The following STOX2 variants were observed in gnomAD, a reference collection of about 807,000 sequenced individuals.
STOX2 encodes the protein storkhead box 2.
STOX2 carries 28 observed loss-of-function variants against 60.9 expected under a neutral mutation model. The ratio of observed to expected loss-of-function variants is 0.46; its 90% confidence interval spans 0.34 to 0.63. STOX2 has a LOEUF of 0.63. STOX2 is among the 30% of genes least tolerant of loss of function. The pLI is 0.01. For missense variants in STOX2, 1,024 were observed against 1,187.7 expected, an observed-to-expected ratio of 0.86 and a Z score of 2.03; for synonymous variants, 472 against 463.9, an observed-to-expected ratio of 1.02 and a Z score of -0.22.
chr4:184,015,503 T>G (rs546978212), intron 3 of STOX2: 7 of 103,848 alleles, frequency 6.7e-5, no homozygotes, highest in East Asian at 2.3e-4. Context: ...TCCGAGGGTT[T>G]GTTTGTTTGT....
chr4:183,935,818 CAG>C (rs1252930238), intron 1 of STOX2, among the ~76,000 whole-genome samples: 1 of 152,160 alleles, frequency 6.6e-6, no homozygotes, highest in East Asian at 1.9e-4. Context: ...TCTTCTCATG[CAG>C]AGATTTCTAG....
At chr4:183,951,467 T>G (rs1205173859) in intron 1 of STOX2, among the ~76,000 whole-genome samples, 39 of 76,522 alleles carry the variant, frequency 5.1e-4, no homozygotes, top group African/African-American at 1.4e-3. Flanking sequence ...TTTTTTTTTT[T>G]GGGACGGAGC....
intron 1 of STOX2, among the ~76,000 whole-genome samples, chr4:183,804,388 G>A (rs1397032883): frequency 6.6e-6 from 1 of 152,198 alleles, no homozygotes; most frequent in African/African-American, 2.4e-5. Context: ...AGGAGCAGGT[G>A]GAAATCAGCT....
intron 1 of STOX2, among the ~76,000 whole-genome samples, chr4:183,838,414 C>G (rs1739767220): frequency 6.6e-6 from 1 of 151,498 alleles, no homozygotes; most frequent in Admixed American, 6.6e-5. Flanking sequence ...ATAAACAATA[C>G]TTTTATGGGT....
chr4:183,881,090 T>A lies in STOX2; in HGVS notation c.364+83035T>A, dbSNP rs533922502. On this transcript the variant is annotated intron_variant, in intron 1 of 2. Transcript: ENST00000513034. ...TGCCTTCAATGAGACTGAAGTAAAT[T>A]GCCTTTTCTGAATTCCCCAAGGGCT... 6.6e-3 allele frequency among the ~76,000 whole-genome samples: 1,003 copies of A among 152,278 alleles called. 10 individuals carry two copies. Among genetic ancestry groups the A allele is most frequent in the African/African-American group, 0.021 (868 of 41,532 alleles).
At chr4:183,833,982 A>C (rs1739639850) in intron 1 of STOX2, among the ~76,000 whole-genome samples, 1 of 48,060 alleles carries the variant, frequency 2.1e-5, no homozygotes, top group Non-Finnish European at 4.7e-5. Flanking sequence ...ACTCCGTCTC[A>C]AAAAAAAAAA....
chr4:183,815,566 C>T (rs894887235), intron 1 of STOX2, among the ~76,000 whole-genome samples: 9 of 152,046 alleles, frequency 5.9e-5, no homozygotes, highest in African/African-American at 2.2e-4. Flanking sequence ...GCCTGTTTAG[C>T]TCTTTGACAA....
intron 1 of STOX2, among the ~76,000 whole-genome samples, chr4:183,855,791 G>A (rs1388351364): frequency 6.6e-6 from 1 of 152,202 alleles, no homozygotes. Flanking sequence ...ATGATGTGTT[G>A]AGGAATGTTA....
chr4:183,953,200 A>G (rs376902986), intron 1 of STOX2, among the ~76,000 whole-genome samples: 57 of 152,254 alleles, frequency 3.7e-4, no homozygotes, highest in African/African-American at 1.3e-3. Flanking sequence ...TAAAAAAAAA[A>G]GTGTGGTGTT....
chr4:183,917,230 G>C (rs532290173), intron 1 of STOX2, among the ~76,000 whole-genome samples: 2 of 152,332 alleles, frequency 1.3e-5, no homozygotes, highest in East Asian at 3.9e-4. Flanking sequence ...GATGCCCCAG[G>C]GGTTGATGGA....
chr4:183,945,026 A>G (rs2111134434), intron 1 of STOX2, among the ~76,000 whole-genome samples: 1 of 152,340 alleles, frequency 6.6e-6, no homozygotes, highest in South Asian at 2.1e-4. Context: ...TATATATGTA[A>G]AAGTGTTTAA....
intron 1 of STOX2, among the ~76,000 whole-genome samples, chr4:183,996,106 C>T (rs540791342): frequency 1.4e-4 from 21 of 152,248 alleles, no homozygotes; most frequent in African/African-American, 4.3e-4. Flanking sequence ...ATTTTAAGCT[C>T]GCTTAAAAAT....
intron 1 of STOX2, among the ~76,000 whole-genome samples, chr4:183,879,852 G>A (rs748038248): frequency 9.2e-5 from 14 of 152,024 alleles, no homozygotes; most frequent in Non-Finnish European, 1.2e-4. Flanking sequence ...GGGGGATGGC[G>A]CATGGCAATG....
intron 1 of STOX2, among the ~76,000 whole-genome samples, chr4:183,851,576 A>G (rs375870272): frequency 5.7e-3 from 258 of 45,338 alleles, no homozygotes; most frequent in Middle Eastern, 0.015. Context: ...AAAGGATGAG[A>G]GAAAGGATGA....
intron 1 of STOX2, among the ~76,000 whole-genome samples, chr4:183,978,382 T>C (rs142700401): frequency 6.6e-6 from 1 of 152,356 alleles, no homozygotes; most frequent in East Asian, 1.9e-4. Context: ...TTTATATTTT[T>C]GTCAACGTTG....
chr4:183,934,658 A>G (rs1742537237), intron 1 of STOX2, among the ~76,000 whole-genome samples: 1 of 152,130 alleles, frequency 6.6e-6, no homozygotes. Context: ...AGCCTCAACG[A>G]GCCTCCTTTT....
At chr4:183,870,211 G>A (rs1740657289) in intron 1 of STOX2, among the ~76,000 whole-genome samples, 1 of 152,204 alleles carries the variant, frequency 6.6e-6, no homozygotes, top group Non-Finnish European at 1.5e-5. Flanking sequence ...GCCATAGTAT[G>A]ATTAAAATGG....
At chr4:183,896,048 C>T (rs1741332958) in intron 1 of STOX2, among the ~76,000 whole-genome samples, 2 of 152,190 alleles carry the variant, frequency 1.3e-5, no homozygotes, top group African/African-American at 4.8e-5. Flanking sequence ...AGCAACAGGG[C>T]GGCTCCTAAG....
chr4:183,811,968 C>G lies in STOX2; in HGVS notation c.364+13913C>G, dbSNP rs528441009. On this transcript the variant is annotated intron_variant, in intron 1 of 2. Transcript: ENST00000513034. ...TTTTTTTTTGAGACAGGGTCTCACTCTCACCCAGGCTAGGGTGCAGTGGTG... is the reference window on the plus strand; with the variant it reads ...TTTTTTTTTGAGACAGGGTCTCACTGTCACCCAGGCTAGGGTGCAGTGGTG... 1.7e-4 allele frequency among the ~76,000 whole-genome samples: 24 copies of G among 143,234 alleles called. No homozygotes were observed. The South Asian group carries it at 2.2e-3, about 13-fold the overall frequency. 94.0% of individuals were successfully genotyped at this position (143,234 alleles called of 152,430 possible).
Sources: gnomAD v4.1 joint callset for allele counts (sites outside exome capture counted in the v4.1 genomes callset) on GRCh38, gnomAD v4.1.1 for gene constraint, MANE v1.5 for transcripts, NCBI Gene and HGNC (gene_info 2026-07-23, HGNC 2026-07-21) for gene names.